GBE1: variants seen among roughly 807,000 people sequenced by gnomAD.
GBE1 encodes 1,4-alpha-glucan branching enzyme 1.
Under a neutral mutation model 88.8 loss-of-function variants are expected in GBE1, and 70 were observed. That is an observed-to-expected ratio of 0.79 (90% CI 0.65 to 0.96). The LOEUF is 0.96. Among genes scored for constraint, GBE1 ranks in the 40% least tolerant of loss-of-function variants. The pLI, the probability that GBE1 is intolerant of heterozygous loss-of-function variation, is 0.00. For missense variants in GBE1, 872 were observed against 871.0 expected (o/e 1.00, Z -0.01); for synonymous variants, 284 against 300.1 (o/e 0.95, Z 0.56).
chr3:81,750,662 TA>T (rs1559708936), intron 1 of GBE1, among the ~76,000 whole-genome samples: 1 of 84,096 alleles, frequency 1.2e-5, no homozygotes, highest in Non-Finnish European at 2.0e-5. Context: ...TATATATGTA[TA>T]TATATATATA....
chr3:81,621,177 T>C lies in GBE1; in HGVS notation c.992+21604A>G, dbSNP rs368882491. ...TGAGTCACATGTCAAATTTGCATTTTAGAAAGCTTACTCTGCACTTTGGAG... is the reference window on the plus strand; with the variant it reads ...TGAGTCACATGTCAAATTTGCATTTCAGAAAGCTTACTCTGCACTTTGGAG... On this transcript the variant is annotated intron_variant, in intron 7 of 15. Coordinates refer to ENST00000429644, the MANE Select transcript of GBE1 (RefSeq NM_000158.4). Among the ~76,000 whole-genome samples, 291 of 152,326 alleles carry C rather than the reference T, an allele frequency of 1.9e-3. 1 individual carries two copies. Among genetic ancestry groups the C allele is most frequent in the Admixed American group, 4.3e-3 (66 of 15,300 alleles).
chr3:81,675,866 CAGTT>C (rs1385333138), intron 2 of GBE1, among the ~76,000 whole-genome samples: 10 of 151,998 alleles, frequency 6.6e-5, no homozygotes, highest in African/African-American at 2.4e-4. Context: ...AAACCTGATA[CAGTT>C]CTCTGTTTTA....
Position 81,625,943 on chromosome 3 carries a change from C to T in GBE1, c.992+16838G>A, listed in dbSNP as rs150073664. On this transcript the variant is annotated intron_variant, in intron 7 of 15. Transcript: ENST00000429644. ...TGAAATTGTGTTTTATTTTAAAAAG[C>T]GTAAATACTGAAGCAGGTTGTGCTA... Among the ~76,000 whole-genome samples, 280 of 152,206 alleles carry T rather than the reference C, an allele frequency of 1.8e-3. 1 individual carries two copies. Among genetic ancestry groups the T allele is most frequent in the African/African-American group, 6.2e-3 (257 of 41,534 alleles).
chr3:81,560,360 T>C (rs969476430), intron 12 of GBE1, among the ~76,000 whole-genome samples: 1 of 152,006 alleles, frequency 6.6e-6, no homozygotes, highest in African/African-American at 2.4e-5. Flanking sequence ...TAATCTAAGA[T>C]ATCTAACTGT....
chr3:81,574,947 G>T (rs1357914477), intron 12 of GBE1, among the ~76,000 whole-genome samples: 2 of 152,024 alleles, frequency 1.3e-5, no homozygotes, highest in African/African-American at 4.8e-5. Flanking sequence ...GGCGAATCAC[G>T]AGGTCAGGAG....
At chr3:81,658,263 T>C (rs1293211659) in intron 3 of GBE1, among the ~76,000 whole-genome samples, 2 of 152,084 alleles carry the variant, frequency 1.3e-5, no homozygotes, top group Non-Finnish European at 2.9e-5. Context: ...ATATTAGCTA[T>C]GAAAAATAAA....
chr3:81,509,170 C>A (rs1702691270), intron 14 of GBE1, among the ~76,000 whole-genome samples: 1 of 151,634 alleles, frequency 6.6e-6, no homozygotes, highest in Non-Finnish European at 1.5e-5. Context: ...ATTTCTATTC[C>A]TCTTTCTCTG....
At chr3:81,509,335 G>T in intron 14 of GBE1, 1 of 145,044 alleles carries the variant, frequency 6.9e-6, no homozygotes. Context: ...TACTTCTCAA[G>T]TTTATGAGAA....
chr3:81,526,446 T>C (rs1161347387), intron 14 of GBE1, among the ~76,000 whole-genome samples: 3 of 152,062 alleles, frequency 2.0e-5, no homozygotes, highest in African/African-American at 4.8e-5. Flanking sequence ...TGTTTGCAGA[T>C]GACATGATTG....
chr3:81,498,745 A>G (rs571288301), intron 15 of GBE1, among the ~76,000 whole-genome samples: 7 of 152,324 alleles, frequency 4.6e-5, no homozygotes, highest in African/African-American at 1.7e-4. Context: ...TCTGCTTAAT[A>G]TAAAATGTTA....
chr3:81,698,822 A>G (rs1488471081), intron 2 of GBE1, among the ~76,000 whole-genome samples: 2 of 152,200 alleles, frequency 1.3e-5, no homozygotes, highest in Non-Finnish European at 2.9e-5. Flanking sequence ...TAAGTTCACT[A>G]TGTCTAGTAA....
chr3:81,510,778 C>T (rs528943412), intron 14 of GBE1, among the ~76,000 whole-genome samples: 2 of 151,868 alleles, frequency 1.3e-5, no homozygotes, highest in African/African-American at 2.4e-5. Flanking sequence ...CACACATGCA[C>T]GGGGATATTT....
chr3:81,671,549 T>G (rs187930236), intron 2 of GBE1, among the ~76,000 whole-genome samples: 672 of 152,156 alleles, frequency 4.4e-3, no homozygotes, highest in Admixed American at 9.3e-3. Flanking sequence ...AAGGGAGGCA[T>G]TAAAAACCAG....
At chr3:81,595,801 T>C (rs1026181812) in intron 7 of GBE1, among the ~76,000 whole-genome samples, 8 of 151,914 alleles carry the variant, frequency 5.3e-5, no homozygotes, top group Non-Finnish European at 1.0e-4. Flanking sequence ...GTGTTTAAAA[T>C]ATTAAAATAA....
At chr3:81,742,662 T>C (rs1452576367) in intron 1 of GBE1, among the ~76,000 whole-genome samples, 3 of 152,082 alleles carry the variant, frequency 2.0e-5, no homozygotes. Context: ...TGGAAAATCA[T>C]GTTGGGCCTG....
chr3:81,737,379 T>A (rs1189736674), intron 1 of GBE1, among the ~76,000 whole-genome samples: 72 of 31,922 alleles, frequency 2.3e-3, no homozygotes, highest in East Asian at 6.3e-3. Flanking sequence ...ATATATATTT[T>A]TATATATATT....
chr3:81,698,505 T>C (rs960018488), intron 2 of GBE1, among the ~76,000 whole-genome samples: 1 of 152,252 alleles, frequency 6.6e-6, no homozygotes, highest in Non-Finnish European at 1.5e-5. Flanking sequence ...ATTAGGTTTA[T>C]ATCTTTTCTT....
At chr3:81,597,424 A>AATATAT (rs1052151620) in intron 7 of GBE1, among the ~76,000 whole-genome samples, 1 of 146,882 alleles carries the variant, frequency 6.8e-6, no homozygotes, top group Non-Finnish European at 1.5e-5. Context: ...GGTGATGTCA[A>AATATAT]ATATATATAT....
chr3:81,646,637 G>C, intron 5 of GBE1, 155 bp from the exon 6 acceptor site: 1 of 566,824 alleles, frequency 1.8e-6, no homozygotes. Flanking sequence ...ACATTTTTTT[G>C]TTTGACCTTC....
Sources: gnomAD v4.1 joint callset for allele counts (sites outside exome capture counted in the v4.1 genomes callset) on GRCh38, gnomAD v4.1.1 for gene constraint, MANE v1.5 for transcripts, NCBI Gene and HGNC (gene_info 2026-07-23, HGNC 2026-07-21) for gene names.